LRFN5: variants seen among roughly 807,000 people sequenced by gnomAD.
The protein encoded by LRFN5 is leucine rich repeat and fibronectin type III domain containing 5.
LRFN5 carries 24 observed loss-of-function variants against 45.6 expected under a neutral mutation model. That is an observed-to-expected ratio of 0.53 (90% CI 0.38 to 0.74). The LOEUF is 0.74. Ranked by LOEUF, LRFN5 falls within the 30% of genes least tolerant of loss-of-function variation. LRFN5 has a pLI of 0.00. For synonymous variants in LRFN5, 340 were observed against 313.8 expected (o/e 1.08, Z -0.88); for missense variants, 776 against 861.5 (o/e 0.90, Z 1.24).
intron 1 of LRFN5, among the ~76,000 whole-genome samples, chr14:41,674,376 G>T (rs1267957875): frequency 7.1e-6 from 1 of 140,868 alleles, no homozygotes; most frequent in Admixed American, 6.8e-5. Flanking sequence ...CCGGGCGGGG[G>T]GCTGACCCCC....
intron 1 of LRFN5, among the ~76,000 whole-genome samples, chr14:41,693,889 C>G (rs1053684762): frequency 3.2e-4 from 49 of 151,928 alleles, no homozygotes; most frequent in Non-Finnish European, 5.4e-4. Context: ...TTAATGTTAG[C>G]CCTTTATGAG....
intron 2 of LRFN5, among the ~76,000 whole-genome samples, chr14:41,781,043 A>G (rs2138916130): frequency 6.6e-6 from 1 of 152,294 alleles, no homozygotes; most frequent in South Asian, 2.1e-4. Context: ...ACAAAATATT[A>G]TTACTATTTG....
chr14:41,860,155 GAACAAACAAAATAA>G (rs1889611317), intron 2 of LRFN5, among the ~76,000 whole-genome samples: 2 of 151,924 alleles, frequency 1.3e-5, no homozygotes, highest in Admixed American at 6.6e-5. Flanking sequence ...ATAGTCCAGA[GAACAAACAAAATAA>G]AACAAACAAA....
intron 1 of LRFN5, among the ~76,000 whole-genome samples, chr14:41,711,510 A>G (rs1465308944): frequency 1.3e-5 from 2 of 152,204 alleles, no homozygotes; most frequent in Non-Finnish European, 2.9e-5. Flanking sequence ...ACATATGTAT[A>G]TATCTCCTGA....
chr14:41,773,615 C>G (rs1886170948), intron 2 of LRFN5, among the ~76,000 whole-genome samples: 1 of 151,998 alleles, frequency 6.6e-6, no homozygotes, highest in Admixed American at 6.6e-5. Flanking sequence ...ATTAATACGA[C>G]TGGAATTTTT....
chr14:41,687,744 A>C (rs528909781), intron 1 of LRFN5, among the ~76,000 whole-genome samples: 1 of 152,176 alleles, frequency 6.6e-6, no homozygotes, highest in South Asian at 2.1e-4. Flanking sequence ...GGAACAGAAA[A>C]CCTAACACCA....
At chr14:41,644,316 G>T (rs1316163603) in intron 1 of LRFN5, among the ~76,000 whole-genome samples, 1 of 152,100 alleles carries the variant, frequency 6.6e-6, no homozygotes, top group African/African-American at 2.4e-5. Flanking sequence ...GTTATAAATT[G>T]GTCGTTGAAT....
At chr14:41,736,712 A>G (rs1884448941) in intron 1 of LRFN5, among the ~76,000 whole-genome samples, 1 of 152,226 alleles carries the variant, frequency 6.6e-6, no homozygotes, top group South Asian at 2.1e-4. Context: ...ATCAGAGAAT[A>G]CTATAAACAC....
intron 1 of LRFN5, among the ~76,000 whole-genome samples, chr14:41,729,662 A>G (rs1030369657): frequency 3.9e-5 from 6 of 152,178 alleles, no homozygotes; most frequent in Admixed American, 3.9e-4. Flanking sequence ...TCTTGCATAT[A>G]TTTTGATATC....
At chr14:41,865,475 T>G (rs918870580) in intron 2 of LRFN5, among the ~76,000 whole-genome samples, 11 of 152,208 alleles carry the variant, frequency 7.2e-5, no homozygotes, top group Non-Finnish European at 1.3e-4. Context: ...CATCAGCCGA[T>G]AGACATTTGA....
At chr14:41,670,596 G>T (rs1340697571) in intron 1 of LRFN5, among the ~76,000 whole-genome samples, 4 of 151,654 alleles carry the variant, frequency 2.6e-5, no homozygotes, top group Non-Finnish European at 4.4e-5. Context: ...TATTATGTGT[G>T]TAGAGTGAAC....
chr14:41,639,089 A>T (rs544399242), intron 1 of LRFN5, among the ~76,000 whole-genome samples: 2 of 151,990 alleles, frequency 1.3e-5, no homozygotes, highest in East Asian at 3.9e-4. Context: ...GAGTCTTATG[A>T]CTCCTAGTAT....
chr14:41,753,370 T>A (rs1379844645), intron 1 of LRFN5, among the ~76,000 whole-genome samples: 1 of 152,232 alleles, frequency 6.6e-6, no homozygotes, highest in Admixed American at 6.5e-5. Flanking sequence ...ATGGCCATTT[T>A]CACAATATTG....
chr14:41,801,091 T>A (rs1421548891), intron 2 of LRFN5, among the ~76,000 whole-genome samples: 3 of 152,116 alleles, frequency 2.0e-5, no homozygotes, highest in Admixed American at 6.6e-5. Flanking sequence ...TTACATAATA[T>A]ACATGTGAAA....
At chr14:41,839,400 C>T (rs1051540421) in intron 2 of LRFN5, among the ~76,000 whole-genome samples, 1 of 152,002 alleles carries the variant, frequency 6.6e-6, no homozygotes, top group South Asian at 2.1e-4. Context: ...TATATTTGAT[C>T]CTTAAGATAG....
chr14:41,676,821 T>G (rs1881653338), intron 1 of LRFN5, among the ~76,000 whole-genome samples: 1 of 152,212 alleles, frequency 6.6e-6, no homozygotes, highest in Non-Finnish European at 1.5e-5. Context: ...GAAGCTAGTC[T>G]TTAAAATATC....
chr14:41,736,072 G>A (rs1884418479), intron 1 of LRFN5, among the ~76,000 whole-genome samples: 1 of 152,134 alleles, frequency 6.6e-6, no homozygotes, highest in East Asian at 1.9e-4. Flanking sequence ...ACATATGTGT[G>A]CATGTGTCTT....
At chr14:41,670,138 TTCTG>T (rs1164811885) in intron 1 of LRFN5, among the ~76,000 whole-genome samples, 18 of 82,676 alleles carry the variant, frequency 2.2e-4, no homozygotes, top group Admixed American at 1.7e-3. Context: ...TATATATACA[TTCTG>T]TGTGTGTATA....
intron 4 of LRFN5, among the ~76,000 whole-genome samples, chr14:41,897,793 A>G (rs909956379): frequency 1.3e-5 from 2 of 152,104 alleles, no homozygotes; most frequent in African/African-American, 4.8e-5. Flanking sequence ...GAAAACAAAA[A>G]CGAAATATTT....
Sources: allele counts gnomAD v4.1 joint callset (sites outside exome capture counted in the v4.1 genomes callset), GRCh38; gene constraint gnomAD v4.1.1; transcripts MANE v1.5; gene names NCBI Gene and HGNC (gene_info 2026-07-23, HGNC 2026-07-21).